Variants in DMD observed in about 807,000 individuals in gnomAD.
DMD encodes dystrophin, also known as mutant dystrophin.
A neutral mutation model predicts 330.1 loss-of-function variants in DMD; 63 were observed. The observed-to-expected ratio is 0.19, with a 90% CI of 0.16 to 0.24. DMD has a LOEUF of 0.24. DMD is among the 10% of genes least tolerant of loss of function. DMD has a pLI of 1.00. For missense variants in DMD, 3,344 were observed against 2,684.1 expected (o/e 1.25, Z -5.43); for synonymous variants, 1,223 against 959.8 (o/e 1.27, Z -5.07).
intron 44 of DMD, among the ~76,000 whole-genome samples, chrX:32,046,603 C>T (rs12842666): frequency 0.15 from 17,220 of 111,121 alleles, 967 homozygotes; most frequent in Non-Finnish European, 0.18. Flanking sequence ...ATTTTAGTTA[C>T]ATTAAGGCAA....
intron 50 of DMD, among the ~76,000 whole-genome samples, chrX:31,807,189 T>G (rs1374665925): frequency 8.9e-6 from 1 of 112,011 alleles, no homozygotes; most frequent in Non-Finnish European, 1.9e-5. Context: ...TGGGTCCACT[T>G]ATTCACCACA....
intron 16 of DMD, 120 bp from the exon 17 acceptor site, chrX:32,545,454 G>A: frequency 1.4e-6 from 1 of 698,201 alleles, no homozygotes. Context: ...TTGACCTTCA[G>A]ATCAAAATAG....
At chrX:32,397,648 T>C (rs1461190022) in intron 30 of DMD, among the ~76,000 whole-genome samples, 1 of 111,692 alleles carries the variant, frequency 9.0e-6, no homozygotes, top group Non-Finnish European at 1.9e-5. Flanking sequence ...CCATTGAATA[T>C]GGTAAAGGGC....
chrX:31,941,302 C>T (rs998179764), intron 45 of DMD, among the ~76,000 whole-genome samples: 1 of 111,646 alleles, frequency 9.0e-6, no homozygotes, highest in Admixed American at 9.5e-5. Context: ...TTTTTCCCTT[C>T]GCAGACATTC....
intron 61 of DMD, among the ~76,000 whole-genome samples, chrX:31,343,847 T>G (rs1360641646): frequency 9.0e-6 from 1 of 111,083 alleles, no homozygotes; most frequent in African/African-American, 3.3e-5. Context: ...TAAAAAAAAG[T>G]ATCAATTCAA....
At chrX:32,341,227 G>T (rs2097740473) in intron 41 of DMD, among the ~76,000 whole-genome samples, 1 of 111,462 alleles carries the variant, frequency 9.0e-6, no homozygotes, top group Admixed American at 9.6e-5. Flanking sequence ...TAACTATAAA[G>T]ACTTAGTTTC....
At chrX:31,443,914 G>A (rs777290288) in intron 60 of DMD, among the ~76,000 whole-genome samples, 1 of 111,402 alleles carries the variant, frequency 9.0e-6, no homozygotes, top group South Asian at 3.8e-4. Flanking sequence ...CCTCTAACTC[G>A]CGTGTTGAAA....
intron 44 of DMD, among the ~76,000 whole-genome samples, chrX:32,096,704 G>T (rs2096509268): frequency 9.0e-6 from 1 of 111,359 alleles, no homozygotes; most frequent in African/African-American, 3.3e-5. Context: ...AGGTAGGTGA[G>T]GTTCTGAGTG....
rs1353877319 is a variant in DMD, at chrX:31,675,664, C to T, written c.7872+3711G>A. Among the ~76,000 whole-genome samples, 8 of 111,351 alleles carry T rather than the reference C, an allele frequency of 7.2e-5. No homozygotes were observed. The East Asian group carries it at 2.3e-3, about 31-fold the overall frequency. ...GTATGAGCCACCGCGCCCGGCCTCA[C>T]CATTCTTTTTTTCTAAATAAAAGGA... On this transcript the variant is annotated intron_variant, in intron 53 of 78. Coordinates refer to ENST00000357033, the MANE Select transcript of DMD (RefSeq NM_004006.3).
intron 62 of DMD, among the ~76,000 whole-genome samples, chrX:31,307,252 C>T (rs142684299): frequency 2.8e-4 from 31 of 111,913 alleles, no homozygotes; most frequent in African/African-American, 9.7e-4. Context: ...TTCTCCATCC[C>T]TCCATGTTAA....
intron 64 of DMD, among the ~76,000 whole-genome samples, chrX:31,211,869 C>T (rs1355172154): frequency 8.9e-6 from 1 of 111,750 alleles, no homozygotes; most frequent in African/African-American, 3.2e-5. Context: ...ACATGTCAAA[C>T]AGAATTCAAC....
At chrX:32,796,312 G>A (rs140392882) in intron 7 of DMD, among the ~76,000 whole-genome samples, 1 of 111,206 alleles carries the variant, frequency 9.0e-6, no homozygotes, top group African/African-American at 3.3e-5. Context: ...TACATTTTCT[G>A]CACCAACATG....
chrX:31,691,774 T>C (rs2083141924), intron 52 of DMD, among the ~76,000 whole-genome samples: 2 of 111,991 alleles, frequency 1.8e-5, no homozygotes, highest in Non-Finnish European at 3.8e-5. Flanking sequence ...TCAGAGCACC[T>C]AAATATATAA....
Position 32,810,513 on chromosome X carries a change from T to G in DMD, c.531-902A>C, listed in dbSNP as rs144561294. On this transcript the variant is annotated intron_variant, in intron 6 of 78. Transcript: ENST00000357033. Reference sequence around the variant, plus strand: ...CTTCCTCAATAATGAACAATGTGTTTAAAATTGCAGTTGCTCAGATAAAAA... The same window carrying G: ...CTTCCTCAATAATGAACAATGTGTTGAAAATTGCAGTTGCTCAGATAAAAA... 4.6e-3 allele frequency among the ~76,000 whole-genome samples: 515 copies of G among 112,154 alleles called. 2 individuals are homozygous for G. Among genetic ancestry groups the G allele is most frequent in the Non-Finnish European group, 7.2e-3 (381 of 53,258 alleles).
intron 16 of DMD, among the ~76,000 whole-genome samples, chrX:32,547,988 A>G (rs1389277137): frequency 2.7e-5 from 3 of 111,737 alleles, no homozygotes; most frequent in African/African-American, 9.7e-5. Flanking sequence ...CCTGATAAAT[A>G]TCATTTTCAA....
intron 30 of DMD, among the ~76,000 whole-genome samples, chrX:32,394,489 A>T (rs73619061): frequency 0.17 from 18,948 of 111,443 alleles, 1,413 homozygotes; most frequent in African/African-American, 0.29. Flanking sequence ...TCAGTAGTCA[A>T]CTACATTGGT....
At chrX:32,918,196 A>G (rs751980551) in intron 2 of DMD, among the ~76,000 whole-genome samples, 8 of 111,140 alleles carry the variant, frequency 7.2e-5, no homozygotes, top group Non-Finnish European at 1.5e-4. Flanking sequence ...ATACACACCA[A>G]CTTATCTATT....
intron 60 of DMD, among the ~76,000 whole-genome samples, chrX:31,420,659 C>T (rs181697203): frequency 1.8e-5 from 2 of 112,227 alleles, no homozygotes; most frequent in East Asian, 5.6e-4. Flanking sequence ...CAAGATATTC[C>T]CAGGCCATAA....
At chrX:32,693,030 G>C (rs746630848) in intron 9 of DMD, among the ~76,000 whole-genome samples, 14 of 112,198 alleles carry the variant, frequency 1.2e-4, no homozygotes, top group Non-Finnish European at 2.3e-4. Flanking sequence ...CACATAGCAA[G>C]TAAGTAATAA....
Sources: allele counts gnomAD v4.1 joint callset (sites outside exome capture counted in the v4.1 genomes callset), GRCh38; gene constraint gnomAD v4.1.1; transcripts MANE v1.5; gene names NCBI Gene and HGNC (gene_info 2026-07-23, HGNC 2026-07-21).